AGBL3: variants seen among roughly 807,000 people sequenced by gnomAD.
AGBL3 encodes AGBL carboxypeptidase 3, also known as cytosolic carboxypeptidase 3.
Under a neutral mutation model 94.5 loss-of-function variants are expected in AGBL3, and 68 were observed. The observed-to-expected ratio is 0.72, with a 90% CI of 0.59 to 0.88. The LOEUF (loss-of-function observed/expected upper bound fraction) is 0.88, where lower values mean the gene tolerates loss of function less well. Ranked by LOEUF, AGBL3 falls within the 40% of genes least tolerant of loss-of-function variation. The pLI is 0.00. For synonymous variants in AGBL3, 354 were observed against 370.7 expected, an observed-to-expected ratio of 0.95 and a Z score of 0.52; for missense variants, 934 against 1,103.8, an observed-to-expected ratio of 0.85 and a Z score of 2.18.
intron 12 of AGBL3, among the ~76,000 whole-genome samples, chr7:135,067,100 G>T (rs1047751361): frequency 2.6e-5 from 4 of 152,334 alleles, no homozygotes; most frequent in Middle Eastern, 3.4e-3. Context: ...TCCTGCGCCT[G>T]GCTCAGAGGG....
intron 3 of AGBL3, 33 bp from the exon 4 acceptor site, chr7:134,993,460 C>T (rs761046111): frequency 6.7e-7 from 1 of 1,482,848 alleles, no homozygotes; most frequent in Non-Finnish European, 9.0e-7. Flanking sequence ...TTTCTTCTTC[C>T]CACTCATGAT....
intron 16 of AGBL3, among the ~76,000 whole-genome samples, chr7:135,116,480 C>CTTTA (rs1826328959): frequency 6.6e-6 from 1 of 152,134 alleles, no homozygotes; most frequent in African/African-American, 2.4e-5. Context: ...GTAGTAAAAA[C>CTTTA]CCTGACTCTT....
intron 5 of AGBL3, among the ~76,000 whole-genome samples, chr7:135,030,035 T>C (rs1196441988): frequency 6.6e-6 from 1 of 151,232 alleles, no homozygotes; most frequent in Non-Finnish European, 1.5e-5. Flanking sequence ...ATAATAGATA[T>C]CATAATAATG....
intron 4 of AGBL3, among the ~76,000 whole-genome samples, chr7:135,002,527 G>GC (rs1043927436): frequency 6.6e-5 from 10 of 152,052 alleles, no homozygotes; most frequent in East Asian, 3.9e-4. Context: ...GTGGCCCAGA[G>GC]CCCCCCACCA....
intron 15 of AGBL3, among the ~76,000 whole-genome samples, chr7:135,106,855 G>T (rs1316005984): frequency 1.3e-5 from 2 of 151,938 alleles, no homozygotes; most frequent in African/African-American, 4.8e-5. Flanking sequence ...GGATTTTTTT[G>T]GATGATAAGC....
chr7:135,072,320 T>A (rs951409172), intron 12 of AGBL3, among the ~76,000 whole-genome samples: 11 of 152,096 alleles, frequency 7.2e-5, no homozygotes, highest in African/African-American at 2.7e-4. Context: ...TTGGTGGGAG[T>A]GTAAACTAGT....
At position 134,996,809 on chromosome 7, in the gene AGBL3, A is replaced by C. The variant is rs76003182; in HGVS notation, c.310+3131A>C. ...AATTTCTGGTATAAGGATACTGTCA[A>C]ATTTTCCTCCAAAAAGAGTTGCATC... On this transcript the variant is annotated intron_variant, in intron 4 of 16. Transcript: ENST00000436302. Among the ~76,000 whole-genome samples the C allele has an allele frequency of 1.1e-4, 16 of 152,314 alleles. No homozygotes were observed. The East Asian group carries it at 2.1e-3, about 20-fold the overall frequency.
chr7:135,050,320 G>C (rs1025037665), intron 11 of AGBL3, among the ~76,000 whole-genome samples: 13 of 151,908 alleles, frequency 8.6e-5, no homozygotes, highest in Non-Finnish European at 1.8e-4. Flanking sequence ...CTATCCTGGA[G>C]AAAGTTCCAG....
chr7:135,063,607 TTC>T (rs1420587296), intron 12 of AGBL3, among the ~76,000 whole-genome samples: 7 of 152,196 alleles, frequency 4.6e-5, no homozygotes, highest in South Asian at 2.1e-4. Flanking sequence ...ATTTTTAAAT[TTC>T]TGTTTTAATT....
At chr7:135,131,077 G>A (rs188339888) in intron 16 of AGBL3, among the ~76,000 whole-genome samples, 204 of 152,202 alleles carry the variant, frequency 1.3e-3, no homozygotes, top group Non-Finnish European at 2.4e-3. Flanking sequence ...GATTGTCAAA[G>A]AGGATGCTTA....
intron 5 of AGBL3, among the ~76,000 whole-genome samples, chr7:135,017,533 C>T (rs1813944362): frequency 6.6e-6 from 1 of 152,148 alleles, no homozygotes; most frequent in Admixed American, 6.5e-5. Context: ...CTTTTAATTT[C>T]CTGACTCTGA....
Position 135,045,921 on chromosome 7 carries a change from G to A in AGBL3, c.1841+10G>A. 1 of 1,471,014 alleles carries A rather than the reference G, an allele frequency of 6.8e-7. No homozygotes were observed. The highest frequency in any genetic ancestry group is 9.2e-7 in the Non-Finnish European group (1 of 1,081,948). The allele number at this position is 1,471,014 out of a possible 1,614,324, so 91.1% of individuals were successfully genotyped here. A position where few individuals can be genotyped will look rare whatever the true frequency, so the allele number is the denominator to read the frequency against. On this transcript the variant is annotated intron_variant, in intron 11 of 16. Coordinates refer to ENST00000436302, the MANE Select transcript of AGBL3 (RefSeq NM_178563.4). ...TGGATGTAGAGTCTAGGTAACTCAA[G>A]GCTGCTGAAGTAATGCAATTTGTTG...
intron 4 of AGBL3, among the ~76,000 whole-genome samples, chr7:135,004,692 C>A (rs535742102): frequency 3.2e-4 from 48 of 151,576 alleles, no homozygotes; most frequent in African/African-American, 8.4e-4. Context: ...TAAATTTAAG[C>A]AAAGCATTCT....
At chr7:135,049,290 G>A (rs1817665201) in intron 11 of AGBL3, among the ~76,000 whole-genome samples, 1 of 151,804 alleles carries the variant, frequency 6.6e-6, no homozygotes, top group Non-Finnish European at 1.5e-5. Flanking sequence ...GTCATGGTGG[G>A]CAATCCTTTT....
At chr7:135,104,590 G>A (rs1824365195) in intron 15 of AGBL3, among the ~76,000 whole-genome samples, 1 of 152,074 alleles carries the variant, frequency 6.6e-6, no homozygotes, top group African/African-American at 2.4e-5. Context: ...GCCGGCATTT[G>A]TTATTTTTTG....
At chr7:135,129,761 C>T (rs1463906398) in intron 16 of AGBL3, 1 of 661,576 alleles carries the variant, frequency 1.5e-6, no homozygotes, top group Non-Finnish European at 2.8e-6. Context: ...ACAAAGTAAC[C>T]CTGCAGGATA....
rs1813875507 is a variant in AGBL3, at chr7:135,016,968, A to G, written c.311-84A>G. The G allele has an allele frequency of 4.6e-6, 4 of 874,778 alleles. No homozygotes were observed. In the East Asian group the frequency reaches 1.1e-4, roughly 23 times the overall value. 54.2% of individuals were successfully genotyped at this position (874,778 alleles called of 1,614,324 possible). On this transcript the variant is annotated intron_variant, in intron 4 of 16. Coordinates refer to ENST00000436302, the MANE Select transcript of AGBL3 (RefSeq NM_178563.4). Reference sequence around the variant, plus strand: ...CACTACATTTTAGCCTAGATCTATCAATGAATAATTTGAAAATATGCAATA... The same window carrying G: ...CACTACATTTTAGCCTAGATCTATCGATGAATAATTTGAAAATATGCAATA...
chr7:135,017,167 CATA>C lies in AGBL3; in HGVS notation c.418+11_418+13del. On this transcript the variant is annotated intron_variant, in intron 5 of 16. Transcript: ENST00000436302. ...TTTATCTAGCTGAAGATGGTGAGCA[CATA>C]ATGACACATGTTGCTGTAAAATATA... 6.8e-7 allele frequency: 1 copy of C among 1,467,728 alleles called. No homozygotes were observed. Among genetic ancestry groups the C allele is most frequent in the South Asian group, 1.2e-5 (1 of 82,314 alleles). 90.9% of individuals were successfully genotyped at this position (1,467,728 alleles called of 1,614,324 possible). A position where few individuals can be genotyped will look rare whatever the true frequency, so the allele number is the denominator to read the frequency against.
At chr7:135,113,500 G>A (rs2117164565) in intron 15 of AGBL3, among the ~76,000 whole-genome samples, 1 of 152,108 alleles carries the variant, frequency 6.6e-6, no homozygotes, top group South Asian at 2.1e-4. Flanking sequence ...TGTATTTCTT[G>A]CTTTTATTCT....
Sources: allele counts gnomAD v4.1 joint callset (sites outside exome capture counted in the v4.1 genomes callset), GRCh38; gene constraint gnomAD v4.1.1; transcripts MANE v1.5; gene names NCBI Gene and HGNC (gene_info 2026-07-23, HGNC 2026-07-21).